DDX19A: variants seen among roughly 807,000 people sequenced by gnomAD.
DDX19A encodes the protein DEAD-box helicase 19A, also known as ATP-dependent RNA helicase DDX19A.
Under a neutral mutation model 60.6 loss-of-function variants are expected in DDX19A, and 12 were observed. That is an observed-to-expected ratio of 0.20 (90% CI 0.13 to 0.32). The LOEUF (loss-of-function observed/expected upper bound fraction) is 0.32, where lower values mean the gene tolerates loss of function less well. DDX19A is among the 10% of genes least tolerant of loss of function. The pLI is 1.00. For missense variants in DDX19A, 337 were observed against 600.6 expected (o/e 0.56, Z 4.59); for synonymous variants, 206 against 218.2 (o/e 0.94, Z 0.49).
intron 1 of DDX19A, 46 bp downstream of exon 1, chr16:70,347,094 GCGAAA>G (rs1567646981): frequency 6.3e-7 from 1 of 1,580,886 alleles, no homozygotes; most frequent in Admixed American, 1.8e-5. Flanking sequence ...AGGGGCCCAA[GCGAAA>G]CCTCCCAAAA....
At chr16:70,356,886 G>A (rs1183091739) in intron 4 of DDX19A, 4 of 1,273,828 alleles carry the variant, frequency 3.1e-6, no homozygotes, top group Non-Finnish European at 4.1e-6. Context: ...ATTTCTGGAT[G>A]TCAGGAACAT....
chr16:70,364,272 G>C (rs1425831183), intron 5 of DDX19A: 1 of 372,624 alleles, frequency 2.7e-6, no homozygotes, highest in African/African-American at 2.1e-5. Context: ...GCCCCTTGGG[G>C]TGCAAAACTG....
intron 4 of DDX19A, 54 bp from the exon 5 acceptor site, chr16:70,361,364 T>A: frequency 7.6e-7 from 1 of 1,317,264 alleles, no homozygotes; most frequent in East Asian, 2.3e-5. Context: ...ATTCTAGGCC[T>A]CTAAAACAAT....
Position 70,366,536 on chromosome 16 carries a change from G to A in DDX19A, c.783-88G>A, listed in dbSNP as rs540207402. 1.0e-3 allele frequency: 1,593 copies of A among 1,551,790 alleles called. 5 individuals carry two copies. Among genetic ancestry groups the A allele is most frequent in the South Asian group, 1.5e-3 (125 of 84,698 alleles). Reference sequence around the variant, plus strand: ...TGCTCCTCCCCCATCAGCCTTCCTGGGCATCTAGACCCTCCCAGCTGGGGA... The same window carrying A: ...TGCTCCTCCCCCATCAGCCTTCCTGAGCATCTAGACCCTCCCAGCTGGGGA... On this transcript the variant is annotated intron_variant, in intron 8 of 11. Coordinates refer to ENST00000302243, the MANE Select transcript of DDX19A (RefSeq NM_018332.5).
intron 7 of DDX19A, 180 bp from the exon 8 acceptor site, chr16:70,365,905 G>C (rs1567655963): frequency 1.2e-6 from 1 of 824,308 alleles, no homozygotes; most frequent in Non-Finnish European, 2.0e-6. Context: ...AGTGCACTGA[G>C]ATAGGTGTCA....
chr16:70,347,495 C>T (rs118011782), intron 1 of DDX19A, among the ~76,000 whole-genome samples: 2,075 of 152,292 alleles, frequency 0.014, 19 homozygotes, highest in Middle Eastern at 0.044. Flanking sequence ...CCTCAATCTA[C>T]TGCAGATGTT....
chr16:70,357,362 G>GTTTTTTTTTTTTTTT (rs1248365917), intron 4 of DDX19A, among the ~76,000 whole-genome samples: 7 of 48,874 alleles, frequency 1.4e-4, no homozygotes, highest in Admixed American at 2.7e-4. Flanking sequence ...TCTGTTTTTG[G>GTTTTTTTTTTTTTTT]TTTGTTTTTT....
intron 3 of DDX19A, 80 bp downstream of exon 3, chr16:70,355,615 A>T: frequency 8.9e-7 from 1 of 1,124,954 alleles, no homozygotes; most frequent in Non-Finnish European, 1.4e-6. Flanking sequence ...ACTCCAAGCT[A>T]CAAGATCCAG....
At chr16:70,364,392 A>C (rs1213666265) in intron 5 of DDX19A, 151 bp from the exon 6 acceptor site, 33 of 608,998 alleles carry the variant, frequency 5.4e-5, no homozygotes, top group Non-Finnish European at 5.9e-6. Flanking sequence ...GTATAAAAAA[A>C]TGTATGAAAG....
intron 4 of DDX19A, among the ~76,000 whole-genome samples, chr16:70,357,509 C>G (rs138070541): frequency 2.0e-5 from 3 of 150,124 alleles, no homozygotes; most frequent in African/African-American, 7.3e-5. Context: ...CTTAGCCTCC[C>G]GAGTTAGCTG....
intron 5 of DDX19A, among the ~76,000 whole-genome samples, chr16:70,361,873 C>G (rs780318600): frequency 1.3e-5 from 2 of 151,432 alleles, no homozygotes; most frequent in Non-Finnish European, 2.9e-5. Flanking sequence ...CCTGTCTCTA[C>G]TAAAAATACA....
rs1009073670 is a variant in DDX19A at position 70,369,727 on chromosome 16, C to T, written c.1021-496C>T. On this transcript the variant is annotated intron_variant, in intron 9 of 11. Transcript: ENST00000302243. ...GACCTCTCAGGTTTAAGCGATTCTC[C>T]TGCCTCAGCTCCCTCAAGTAGCTGG... Among the ~76,000 whole-genome samples the T allele has an allele frequency of 3.3e-5, 5 of 151,460 alleles. No homozygotes were observed. In the East Asian group the frequency reaches 9.7e-4, roughly 29 times the overall value.
intron 7 of DDX19A, chr16:70,365,387 C>T (rs1272621103): frequency 3.7e-6 from 1 of 269,904 alleles, no homozygotes; most frequent in Non-Finnish European, 7.1e-6. Flanking sequence ...GAGTTCTTCG[C>T]TCAGAAGGTA....
intron 7 of DDX19A, 67 bp downstream of exon 7, chr16:70,365,198 T>C: frequency 9.5e-7 from 1 of 1,056,326 alleles, no homozygotes; most frequent in South Asian, 1.3e-5. Context: ...ATTTTGAAGA[T>C]GCGATGACCG....
chr16:70,369,605 T>G (rs1964622444), intron 9 of DDX19A, among the ~76,000 whole-genome samples: 1 of 151,414 alleles, frequency 6.6e-6, no homozygotes, highest in Non-Finnish European at 1.5e-5. Flanking sequence ...AATTTTCTTT[T>G]TTTTTTCTTT....
intron 6 of DDX19A, 83 bp from the exon 7 acceptor site, chr16:70,364,934 C>A: frequency 9.6e-7 from 1 of 1,038,944 alleles, no homozygotes. Flanking sequence ...TATTCAAGTG[C>A]TAATAACATC....
intron 3 of DDX19A, 73 bp from the exon 4 acceptor site, chr16:70,356,039 G>A (rs1345927706): frequency 5.0e-6 from 8 of 1,596,284 alleles, no homozygotes; most frequent in Non-Finnish European, 6.9e-6. Context: ...AGTGTGGAGA[G>A]GGAGAAAGAG....
At chr16:70,364,334 C>T in intron 5 of DDX19A, 1 of 544,946 alleles carries the variant, frequency 1.8e-6, no homozygotes, top group East Asian at 3.1e-5. Flanking sequence ...GGTGTGAGCC[C>T]ATTTAAAATA....
intron 7 of DDX19A, 27 bp from the exon 8 acceptor site, chr16:70,366,058 C>A (rs1183527228): frequency 1.2e-6 from 2 of 1,614,014 alleles, no homozygotes; most frequent in African/African-American, 1.3e-5. Flanking sequence ...TTTGAAATAC[C>A]TATGAAAATC....
Sources: gnomAD v4.1 joint callset for allele counts (sites outside exome capture counted in the v4.1 genomes callset) on GRCh38, gnomAD v4.1.1 for gene constraint, MANE v1.5 for transcripts, NCBI Gene and HGNC (gene_info 2026-07-23, HGNC 2026-07-21) for gene names.